Variants in ZNF83 observed in about 807,000 individuals in gnomAD.
The protein encoded by ZNF83 is zinc finger protein 83, also known as zinc finger protein 816B.
For synonymous variants in ZNF83, 209 were observed against 213.0 expected (o/e 0.98, Z 0.17); for missense variants, 552 against 629.9 (o/e 0.88, Z 1.32).
intron 2 of ZNF83, among the ~76,000 whole-genome samples, chr19:52,622,450 C>T (rs1354751384): frequency 5.9e-5 from 9 of 152,176 alleles, no homozygotes; most frequent in African/African-American, 1.7e-4. Flanking sequence ...CAGTCCCACA[C>T]TGACACCTGC....
At chr19:52,656,383 A>G (rs892664940) in intron 2 of ZNF83, among the ~76,000 whole-genome samples, 2 of 152,014 alleles carry the variant, frequency 1.3e-5, no homozygotes, top group Admixed American at 6.6e-5. Context: ...TTAGCTGGGC[A>G]TGGTGGGGGA....
chr19:52,625,381 C>T (rs2060702091), intron 2 of ZNF83, among the ~76,000 whole-genome samples: 1 of 152,154 alleles, frequency 6.6e-6, no homozygotes, highest in African/African-American at 2.4e-5. Flanking sequence ...AAAAACTCTT[C>T]TCAAGGCCGC....
intron 1 of ZNF83, among the ~76,000 whole-genome samples, chr19:52,671,867 C>A (rs1600256805): frequency 6.6e-6 from 1 of 152,138 alleles, no homozygotes; most frequent in Non-Finnish European, 1.5e-5. Flanking sequence ...AGAGAAAGAT[C>A]ATGAAATATT....
upstream of ZNF83, among the ~76,000 whole-genome samples, chr19:52,641,243 CAG>C (rs2061301445): frequency 6.6e-6 from 1 of 152,158 alleles, no homozygotes; most frequent in Non-Finnish European, 1.5e-5. Flanking sequence ...TCATGGTCCA[CAG>C]AGTCCTAAGC....
upstream of ZNF83, among the ~76,000 whole-genome samples, chr19:52,640,662 G>GC (rs2061290052): frequency 5.3e-5 from 8 of 152,016 alleles, 1 homozygote; most frequent in South Asian, 1.7e-3. Flanking sequence ...TGCAACCAGC[G>GC]CCCCAGTCCA....
At chr19:52,649,520 G>A (rs186997448) in intron 3 of ZNF83, among the ~76,000 whole-genome samples, 14 of 152,140 alleles carry the variant, frequency 9.2e-5, no homozygotes, top group African/African-American at 2.9e-4. Flanking sequence ...ATGGGATAAC[G>A]ACACAGTCCA....
At chr19:52,667,606 A>C (rs375677478) in intron 1 of ZNF83, among the ~76,000 whole-genome samples, 1 of 152,338 alleles carries the variant, frequency 6.6e-6, no homozygotes, top group Middle Eastern at 3.4e-3. Flanking sequence ...GGTTTAAGCA[A>C]GTTTCAAAAT....
chr19:52,666,618 C>CAAAAAA (rs59937542), intron 1 of ZNF83, among the ~76,000 whole-genome samples: 5 of 105,794 alleles, frequency 4.7e-5, no homozygotes, highest in Non-Finnish European at 7.7e-5. Context: ...TATCCTAAGT[C>CAAAAAA]AAAAAAAAAA....
intron 1 of ZNF83, chr19:52,636,662 TTTTTTTC>T (rs1240684386): frequency 8.6e-6 from 1 of 116,056 alleles, no homozygotes; most frequent in Non-Finnish European, 1.7e-5. Flanking sequence ...CCTCCGCCCC[TTTTTTTC>T]TTTTGAGACA....
intron 1 of ZNF83, among the ~76,000 whole-genome samples, chr19:52,663,844 G>A (rs1197520746): frequency 6.6e-6 from 1 of 152,292 alleles, no homozygotes; most frequent in African/African-American, 2.4e-5. Flanking sequence ...ATGTGATGTC[G>A]TAAGATTCTA....
chr19:52,648,134 TCTC>T (rs1415787155), intron 3 of ZNF83, among the ~76,000 whole-genome samples: 1 of 149,794 alleles, frequency 6.7e-6, no homozygotes, highest in African/African-American at 2.4e-5. Flanking sequence ...CAGTTGCTTT[TCTC>T]CTCCTGCTTT....
chr19:52,647,077 C>T (rs893670776), intron 3 of ZNF83, among the ~76,000 whole-genome samples: 2 of 152,130 alleles, frequency 1.3e-5, no homozygotes, highest in Non-Finnish European at 2.9e-5. Context: ...TTGATCTCTC[C>T]AGTCCTCTCA....
At chr19:52,680,902 G>A (rs893744183) in intron 1 of ZNF83, among the ~76,000 whole-genome samples, 13 of 151,502 alleles carry the variant, frequency 8.6e-5, no homozygotes, top group Non-Finnish European at 1.6e-4. Flanking sequence ...GTGAGCCACC[G>A]CGCCCGGCCT....
chr19:52,646,714 C>A (rs475188), intron 3 of ZNF83, among the ~76,000 whole-genome samples: 77,428 of 151,966 alleles, frequency 0.51, 20,445 homozygotes, highest in East Asian at 0.71. Flanking sequence ...TACATCCCCC[C>A]CAACTACACA....
chr19:52,676,379 T>C (rs915801701), intron 1 of ZNF83, among the ~76,000 whole-genome samples: 8 of 152,166 alleles, frequency 5.3e-5, no homozygotes, highest in Non-Finnish European at 7.3e-5. Context: ...AGTGCCGAGA[T>C]TGCAGCCTCT....
At chr19:52,642,399 G>A (rs1335030419), upstream of ZNF83, among the ~76,000 whole-genome samples, 2 of 150,458 alleles carry the variant, frequency 1.3e-5, no homozygotes, top group Admixed American at 1.3e-4. Context: ...CTCTTGAGTA[G>A]CTGGGATTAT....
intron 1 of ZNF83, among the ~76,000 whole-genome samples, chr19:52,680,767 T>C (rs8103573): frequency 0.72 from 97,709 of 135,176 alleles, 35,016 homozygotes; most frequent in African/African-American, 0.83. Flanking sequence ...CGCCCGCCAC[T>C]ACGCCCGGCT....
At chr19:52,642,192 G>C (rs2147226033), upstream of ZNF83, among the ~76,000 whole-genome samples, 1 of 149,566 alleles carries the variant, frequency 6.7e-6, no homozygotes, top group East Asian at 2.0e-4. Context: ...CATTGCCAGG[G>C]TAAAATTCAA....
exon 3 of ZNF83, chr19:52,613,071 T>C (rs750720236): frequency 9.9e-6 from 16 of 1,612,658 alleles, no homozygotes; most frequent in Admixed American, 3.3e-5. Flanking sequence ...GTACAAGATA[T>C]GAATTGTCGC....
Sources: gnomAD v4.1 joint callset for allele counts (sites outside exome capture counted in the v4.1 genomes callset) on GRCh38, gnomAD v4.1.1 for gene constraint, MANE v1.5 for transcripts, NCBI Gene and HGNC (gene_info 2026-07-23, HGNC 2026-07-21) for gene names.